PTPRM: variants seen among roughly 807,000 people sequenced by gnomAD.
PTPRM encodes the protein protein tyrosine phosphatase receptor type M.
In PTPRM, 47 loss-of-function variants were observed where a neutral mutation model predicts 186.7. The ratio of observed to expected loss-of-function variants is 0.25; its 90% CI spans 0.20 to 0.32. The LOEUF is 0.32. Among genes scored for constraint, PTPRM ranks in the 10% least tolerant of loss-of-function variants. PTPRM has a pLI of 1.00. For missense variants in PTPRM, 1,494 were observed against 1,865.0 expected (o/e 0.80, Z 3.66); for synonymous variants, 668 against 674.9 (o/e 0.99, Z 0.16).
At chr18:7,632,448 A>T (rs886498110) in intron 1 of PTPRM, among the ~76,000 whole-genome samples, 1 of 152,276 alleles carries the variant, frequency 6.6e-6, no homozygotes, top group South Asian at 2.1e-4. Flanking sequence ...TTTTTGCTTC[A>T]TTGCTAAGAT....
chr18:8,376,735 C>A, intron 26 of PTPRM, 138 bp downstream of exon 26: 1 of 989,762 alleles, frequency 1.0e-6, no homozygotes, highest in Non-Finnish European at 1.4e-6. Context: ...TGTTCCTTCC[C>A]TCCCTCCCTC....
intron 7 of PTPRM, among the ~76,000 whole-genome samples, chr18:7,978,595 G>T (rs1033333794): frequency 2.6e-5 from 4 of 152,096 alleles, no homozygotes; most frequent in Admixed American, 6.6e-5. Flanking sequence ...GCGAATGTTG[G>T]TAACACTTTC....
At chr18:7,994,971 G>C (rs1407013416) in intron 7 of PTPRM, among the ~76,000 whole-genome samples, 3 of 151,900 alleles carry the variant, frequency 2.0e-5, no homozygotes, top group East Asian at 3.9e-4. Context: ...ATAAATATCA[G>C]AGCAGAACTA....
chr18:7,759,465 A>G (rs2041666058), intron 1 of PTPRM, among the ~76,000 whole-genome samples: 1 of 152,124 alleles, frequency 6.6e-6, no homozygotes, highest in African/African-American at 2.4e-5. Context: ...AGAACTCCCT[A>G]CTCTCTTGGT....
chr18:8,172,275 T>G (rs1378677707), intron 14 of PTPRM, among the ~76,000 whole-genome samples: 1 of 151,894 alleles, frequency 6.6e-6, no homozygotes, highest in Non-Finnish European at 1.5e-5. Context: ...CTTTTTTTTT[T>G]TTTTTTTTTA....
intron 14 of PTPRM, among the ~76,000 whole-genome samples, chr18:8,172,775 A>G (rs562922953): frequency 2.0e-5 from 3 of 152,186 alleles, no homozygotes; most frequent in South Asian, 2.1e-4. Flanking sequence ...GGGAAACCCA[A>G]ATCTGTGGTC....
At chr18:8,330,068 G>T (rs1242343205) in intron 22 of PTPRM, among the ~76,000 whole-genome samples, 1 of 152,154 alleles carries the variant, frequency 6.6e-6, no homozygotes, top group East Asian at 1.9e-4. Flanking sequence ...CTCCCAAATT[G>T]CTGGGATTAC....
chr18:8,108,541 C>T (rs1412536898), intron 11 of PTPRM, among the ~76,000 whole-genome samples: 1 of 152,168 alleles, frequency 6.6e-6, no homozygotes, highest in Non-Finnish European at 1.5e-5. Context: ...GAGGCTTCCT[C>T]TCCAGGAACT....
chr18:8,203,984 G>T (rs912370482), intron 14 of PTPRM, among the ~76,000 whole-genome samples: 10 of 152,180 alleles, frequency 6.6e-5, no homozygotes, highest in Non-Finnish European at 1.0e-4. Flanking sequence ...GCGACCTCCA[G>T]AGTCACTGGT....
intron 1 of PTPRM, among the ~76,000 whole-genome samples, chr18:7,721,282 A>G (rs1045805630): frequency 6.6e-6 from 1 of 151,532 alleles, no homozygotes; most frequent in African/African-American, 2.4e-5. Context: ...TCTTTGGAGG[A>G]ATGTCTATTC....
chr18:8,176,122 C>T (rs938094394), intron 14 of PTPRM, among the ~76,000 whole-genome samples: 3 of 151,906 alleles, frequency 2.0e-5, no homozygotes, highest in Non-Finnish European at 1.5e-5. Flanking sequence ...AATTTATGAG[C>T]TTATATTGTT....
intron 13 of PTPRM, among the ~76,000 whole-genome samples, chr18:8,130,055 A>G (rs931046929): frequency 4.6e-5 from 7 of 152,176 alleles, no homozygotes; most frequent in African/African-American, 1.7e-4. Flanking sequence ...AGATTCTATC[A>G]TGTTAAAAAT....
chr18:7,577,536 C>G (rs1171816985), intron 1 of PTPRM, among the ~76,000 whole-genome samples: 1 of 152,314 alleles, frequency 6.6e-6, no homozygotes, highest in African/African-American at 2.4e-5. Flanking sequence ...AGAGCTCAGA[C>G]AGCATCATGA....
rs75524869 is a variant in PTPRM at position 7,837,897 on chromosome 18, C to A, written c.197-50209C>A. Among the ~76,000 whole-genome samples, 767 of 152,236 alleles carry A rather than the reference C, an allele frequency of 5.0e-3. 27 individuals are homozygous for A. The East Asian group carries it at 0.088, about 18-fold the overall frequency. Reference sequence around the variant, plus strand: ...CGGGCATGGAAGAGTTAGGTTTTTACTGTAGTCTTCTCAGTCTGGGCTTGT... The same window carrying A: ...CGGGCATGGAAGAGTTAGGTTTTTAATGTAGTCTTCTCAGTCTGGGCTTGT... On this transcript the variant is annotated intron_variant, in intron 2 of 32. Transcript: ENST00000580170.
At chr18:8,163,418 G>A (rs979690448) in intron 14 of PTPRM, among the ~76,000 whole-genome samples, 6 of 152,126 alleles carry the variant, frequency 3.9e-5, no homozygotes, top group Non-Finnish European at 7.3e-5. Flanking sequence ...CTTGCCAGTG[G>A]TGAGGTCCAG....
At chr18:8,213,486 G>A (rs1162835911) in intron 14 of PTPRM, among the ~76,000 whole-genome samples, 1 of 152,126 alleles carries the variant, frequency 6.6e-6, no homozygotes, top group African/African-American at 2.4e-5. Context: ...ATAAATTCAG[G>A]CCCAGAAAAT....
intron 2 of PTPRM, among the ~76,000 whole-genome samples, chr18:7,842,943 T>TAGAG (rs1483845377): frequency 5.0e-5 from 6 of 119,840 alleles, no homozygotes; most frequent in South Asian, 2.6e-4. Context: ...TATATATATA[T>TAGAG]ATATAGAGAG....
chr18:8,204,589 T>A (rs1338376488), intron 14 of PTPRM, among the ~76,000 whole-genome samples: 1 of 152,060 alleles, frequency 6.6e-6, no homozygotes, highest in African/African-American at 2.4e-5. Context: ...GCTTGACAGC[T>A]GCCTCCACAA....
intron 7 of PTPRM, among the ~76,000 whole-genome samples, chr18:7,990,134 C>A (rs1054889869): frequency 6.6e-6 from 1 of 152,054 alleles, no homozygotes; most frequent in South Asian, 2.1e-4. Context: ...GAACTCCTGG[C>A]CTCGTGTGAT....
Sources: allele counts gnomAD v4.1 joint callset (sites outside exome capture counted in the v4.1 genomes callset), GRCh38; gene constraint gnomAD v4.1.1; transcripts MANE v1.5; gene names NCBI Gene and HGNC (gene_info 2026-07-23, HGNC 2026-07-21).